ZDHHC2: variants seen among roughly 807,000 people sequenced by gnomAD.
ZDHHC2 encodes the protein palmitoyltransferase ZDHHC2.
A neutral mutation model predicts 55.6 loss-of-function variants in ZDHHC2; 51 were observed. The ratio of observed to expected loss-of-function variants is 0.92; its 90% CI spans 0.73 to 1.16. ZDHHC2 has a LOEUF of 1.16. Among genes scored for constraint, ZDHHC2 ranks in the 50% most tolerant of loss-of-function variants. The pLI is 0.00. For synonymous variants in ZDHHC2, 199 were observed against 152.9 expected, an observed-to-expected ratio of 1.30 and a Z score of -2.22; for missense variants, 491 against 442.4, an observed-to-expected ratio of 1.11 and a Z score of -0.99.
At chr8:17,201,151 T>C (rs1806739758) in intron 6 of ZDHHC2, among the ~76,000 whole-genome samples, 1 of 152,200 alleles carries the variant, frequency 6.6e-6, no homozygotes, top group South Asian at 2.1e-4. Context: ...AGCCATGTTC[T>C]TCCCAGTCCC....
intron 3 of ZDHHC2, among the ~76,000 whole-genome samples, chr8:17,193,258 G>C (rs1160750008): frequency 6.6e-6 from 1 of 152,204 alleles, no homozygotes; most frequent in Admixed American, 6.5e-5. Flanking sequence ...CCCAATCCCA[G>C]TAATACTGTG....
intron 6 of ZDHHC2, among the ~76,000 whole-genome samples, chr8:17,198,743 A>C (rs73198513): frequency 0.073 from 11,137 of 152,314 alleles, 529 homozygotes; most frequent in South Asian, 0.2. Flanking sequence ...CAAGTAAATT[A>C]TACATAGTAC....
rs778732168 is a variant in ZDHHC2, at chr8:17,221,899, G to A, written c.*1678G>A. 4.6e-5 allele frequency: 7 copies of A among 150,784 alleles called. No homozygotes were observed. Among genetic ancestry groups the A allele is most frequent in the Admixed American group, 6.6e-5 (1 of 15,080 alleles). The allele number at this position is 150,784 out of a possible 1,614,324, so 9.3% of individuals were successfully genotyped here. A position where few individuals can be genotyped will look rare whatever the true frequency, so the allele number is the denominator to read the frequency against. On this transcript the variant is annotated 3_prime_UTR_variant, in exon 13 of 13. Coordinates refer to ENST00000262096, the MANE Select transcript of ZDHHC2 (RefSeq NM_016353.5). ...TTAAAAATACCTAAAGTGCCAGACC[G>A]GAACCTATAGCTACTGCTAGAAGTC...
chr8:17,199,514 C>CGTCTTCGTCTTCT (rs1806546450), intron 6 of ZDHHC2, among the ~76,000 whole-genome samples: 2 of 37,722 alleles, frequency 5.3e-5, no homozygotes, highest in African/African-American at 1.2e-4. Flanking sequence ...TCTTCTTCTT[C>CGTCTTCGTCTTCT]GTCTTCGTCT....
chr8:17,216,868 G>A (rs938294528), intron 11 of ZDHHC2, among the ~76,000 whole-genome samples: 1 of 152,114 alleles, frequency 6.6e-6, no homozygotes, highest in Non-Finnish European at 1.5e-5. Context: ...ATTTGGAAAC[G>A]TTGATGTAAG....
At chr8:17,159,865 TA>T (rs569248145) in intron 1 of ZDHHC2, among the ~76,000 whole-genome samples, 336 of 152,314 alleles carry the variant, frequency 2.2e-3, no homozygotes, top group Non-Finnish European at 3.3e-3. Flanking sequence ...TTCCTTCTCT[TA>T]CCACTCCTTT....
intron 4 of ZDHHC2, among the ~76,000 whole-genome samples, chr8:17,196,688 A>G (rs1338965677): frequency 6.6e-6 from 1 of 151,960 alleles, no homozygotes; most frequent in African/African-American, 2.4e-5. Flanking sequence ...GGATCACCTG[A>G]GGTCAGGAGT....
In ZDHHC2 at chr8:17,199,533, T is replaced by TCTTCGTCTTCGTCTTCGTCTTCGTCTTC. The variant is rs773429262; in HGVS notation, c.476+1120_476+1121insCTTCGTCTTCGTCTTCGTCTTCGTCTTC. On this transcript the variant is annotated intron_variant, in intron 6 of 12. Transcript: ENST00000262096. ...CTTCTTCGTCTTCGTCTTCGTCTTC[T>TCTTCGTCTTCGTCTTCGTCTTCGTCTTC]GTCTTCGTCTTCTGTCTTCGTCTTC... Among the ~76,000 whole-genome samples the TCTTCGTCTTCGTCTTCGTCTTCGTCTTC allele has an allele frequency of 1.4e-3, 44 of 31,288 alleles. 1 individual carries two copies. Among genetic ancestry groups the TCTTCGTCTTCGTCTTCGTCTTCGTCTTC allele is most frequent in the African/African-American group, 4.1e-3 (36 of 8,714 alleles). 20.5% of individuals were successfully genotyped at this position (31,288 alleles called of 152,430 possible). A position where few individuals can be genotyped will look rare whatever the true frequency, so the allele number is the denominator to read the frequency against.
chr8:17,157,140 C>A (rs539152714), intron 1 of ZDHHC2, among the ~76,000 whole-genome samples: 1 of 152,252 alleles, frequency 6.6e-6, no homozygotes, highest in East Asian at 1.9e-4. Flanking sequence ...TCGGCCACAC[C>A]CCCTAGAGGG....
In ZDHHC2 at chr8:17,186,336, T is replaced by C; in HGVS notation, c.163T>C (p.Cys55Arg). The C allele has an allele frequency of 6.3e-7, 1 of 1,593,134 alleles. No homozygotes were observed. The highest frequency in any genetic ancestry group is 1.1e-5 in the South Asian group (1 of 87,144). Residue 55 changes from cysteine (C) to arginine (R), a missense_variant, in exon 3 of 13, where the codon TGC (cysteine) becomes CGC (arginine). Transcript: ENST00000262096. ...SMENTGEQVV[C>R]LMAYHLLFAM... The stretch of plus-strand genomic sequence containing the variant: ...TTATGTTTTTCTCATTTTAGTTGTG[T>C]GCCTGATGGCCTATCATCTACTTTT...
chr8:17,210,485 T>C lies in ZDHHC2; in HGVS notation c.950+5T>C, dbSNP rs1807323280. ...GCTGAATTCCACAGCTAAAAAGTAA[T>C]CTCATATTTTTTTTCATTTTACTTT... On this transcript the variant is annotated splice_donor_5th_base_variant and intron_variant, in intron 10 of 12. Coordinates refer to ENST00000262096, the MANE Select transcript of ZDHHC2 (RefSeq NM_016353.5). 6.3e-7 allele frequency: 1 copy of C among 1,597,474 alleles called. No individual in the cohort carries two copies. Among genetic ancestry groups the C allele is most frequent in the Admixed American group, 1.8e-5 (1 of 56,804 alleles).
intron 10 of ZDHHC2, among the ~76,000 whole-genome samples, chr8:17,211,406 C>G (rs148336128): frequency 6.6e-6 from 1 of 152,084 alleles, no homozygotes; most frequent in Non-Finnish European, 1.5e-5. Context: ...TCCTAGGGAG[C>G]CTGGAGTGAC....
intron 6 of ZDHHC2, among the ~76,000 whole-genome samples, chr8:17,200,312 G>A (rs947253307): frequency 2.0e-5 from 3 of 152,238 alleles, no homozygotes; most frequent in Non-Finnish European, 4.4e-5. Context: ...ACCTCCAGGG[G>A]CAACCCTCAA....
chr8:17,173,315 A>T (rs1246821660), intron 1 of ZDHHC2, among the ~76,000 whole-genome samples: 1 of 152,224 alleles, frequency 6.6e-6, no homozygotes, highest in African/African-American at 2.4e-5. Context: ...TCTTCTCAGC[A>T]TTTGAAATGA....
At chr8:17,196,625 G>A (rs939455559) in intron 4 of ZDHHC2, among the ~76,000 whole-genome samples, 2 of 151,580 alleles carry the variant, frequency 1.3e-5, no homozygotes, top group Admixed American at 6.6e-5. Context: ...TTGCGACTCT[G>A]TGTGGTGTTT....
At chr8:17,187,603 C>T (rs1805779657) in intron 3 of ZDHHC2, among the ~76,000 whole-genome samples, 1 of 152,092 alleles carries the variant, frequency 6.6e-6, no homozygotes, top group African/African-American at 2.4e-5. Context: ...CTATTCTCCA[C>T]TTCTTTTTCT....
intron 1 of ZDHHC2, among the ~76,000 whole-genome samples, chr8:17,177,207 A>G (rs1805184222): frequency 6.6e-6 from 1 of 152,218 alleles, no homozygotes; most frequent in South Asian, 2.1e-4. Flanking sequence ...AAATTAGCTT[A>G]GGGAGGGTGT....
intron 6 of ZDHHC2, among the ~76,000 whole-genome samples, chr8:17,199,629 C>CTTCCT (rs1563161783): frequency 2.2e-5 from 1 of 44,902 alleles, no homozygotes; most frequent in Admixed American, 2.4e-4. Context: ...TTCTTCCTTT[C>CTTCCT]TTCTTCTTCT....
At chr8:17,215,213 G>C (rs1010258751) in intron 10 of ZDHHC2, 24 bp from the exon 11 acceptor site, 2 of 1,539,840 alleles carry the variant, frequency 1.3e-6, no homozygotes, top group Non-Finnish European at 1.8e-6. Context: ...TGATGATTTT[G>C]ATGATTATTC....
Sources: allele counts gnomAD v4.1 joint callset (sites outside exome capture counted in the v4.1 genomes callset), GRCh38; gene constraint gnomAD v4.1.1; transcripts MANE v1.5; gene names NCBI Gene and HGNC (gene_info 2026-07-23, HGNC 2026-07-21).